PCDHGA2: variants seen among roughly 807,000 people sequenced by gnomAD.
PCDHGA2 encodes protocadherin gamma subfamily A, 2, also known as protocadherin gamma-A2.
PCDHGA2 carries 40 observed loss-of-function variants against 59.2 expected under a neutral mutation model. The ratio of observed to expected loss-of-function variants is 0.68; its 90% confidence interval spans 0.52 to 0.88. The LOEUF (loss-of-function observed/expected upper bound fraction) is 0.88, where lower values mean the gene tolerates loss of function less well. Ranked by LOEUF, PCDHGA2 falls within the 40% of genes least tolerant of loss-of-function variation. The probability of loss-of-function intolerance (pLI) is 0.00; values close to 1 mark genes in which losing one functional copy is unlikely to be tolerated. For synonymous variants in PCDHGA2, 560 were observed against 526.0 expected (o/e 1.06, Z -0.89); for missense variants, 1,226 against 1,204.0 (o/e 1.02, Z -0.27).
At chr5:141,450,587 A>G (rs1396203849) in intron 1 of PCDHGA2, among the ~76,000 whole-genome samples, 1 of 151,720 alleles carries the variant, frequency 6.6e-6, no homozygotes, top group East Asian at 1.9e-4. Flanking sequence ...CCCAGGTTCA[A>G]GCAATTCTCC....
intron 1 of PCDHGA2, among the ~76,000 whole-genome samples, chr5:141,472,980 C>CAAAAAAAAAAAAAA (rs60579131): frequency 5.8e-5 from 5 of 86,102 alleles, no homozygotes; most frequent in Admixed American, 1.2e-4. Context: ...GAGTGAAACT[C>CAAAAAAAAAAAAAA]AAAAAAAAAA....
intron 1 of PCDHGA2, chr5:141,400,138 A>T: frequency 6.2e-7 from 1 of 1,614,046 alleles, no homozygotes; most frequent in Non-Finnish European, 8.5e-7. Flanking sequence ...GCTGCCGGAT[A>T]TCACTGACCG....
chr5:141,499,572 T>C (rs2099792782), intron 2 of PCDHGA2, among the ~76,000 whole-genome samples: 1 of 152,178 alleles, frequency 6.6e-6, no homozygotes, highest in Admixed American at 6.5e-5. Flanking sequence ...CAGCTTCAAC[T>C]AATGCCTTAT....
In PCDHGA2 at chr5:141,365,449, T is replaced by C. The variant is rs546328235; in HGVS notation, c.2424+24054T>C. The C allele has an allele frequency of 6.1e-5, 99 of 1,614,052 alleles. 1 individual carries two copies. The East Asian group carries it at 2.2e-3, about 35-fold the overall frequency. On this transcript the variant is annotated intron_variant, in intron 1 of 3. Transcript: ENST00000394576. Reference sequence around the variant, plus strand: ...TAATCGCGCTGTTTAGCGTACATGATGGTGATTCTGGAGAAAATGGTGAGA... The same window carrying C: ...TAATCGCGCTGTTTAGCGTACATGACGGTGATTCTGGAGAAAATGGTGAGA...
rs962794399 is a variant in PCDHGA2, at chr5:141,449,958, AT to A, written c.2425-44841del. Among the ~76,000 whole-genome samples, 332 of 148,828 alleles carry A rather than the reference AT, an allele frequency of 2.2e-3. 1 individual carries two copies. The highest frequency in any genetic ancestry group is 6.8e-3 in the Admixed American group (101 of 14,904). Reference sequence around the variant, plus strand: ...GTATATTTTACTATACCTCATAGTAATTTTTTTTAGTCCAAAATATCACACA... The same window carrying A: ...GTATATTTTACTATACCTCATAGTAATTTTTTTAGTCCAAAATATCACACA... On this transcript the variant is annotated intron_variant, in intron 1 of 3. Coordinates refer to ENST00000394576, the MANE Select transcript of PCDHGA2 (RefSeq NM_018915.4).
chr5:141,404,240 C>T, intron 1 of PCDHGA2: 1 of 1,613,660 alleles, frequency 6.2e-7, no homozygotes, highest in East Asian at 2.2e-5. Context: ...CAGAGGAACT[C>T]CGCCCCTGTC....
chr5:141,399,078 G>C (rs2093750242), intron 1 of PCDHGA2: 1 of 1,613,746 alleles, frequency 6.2e-7, no homozygotes, highest in African/African-American at 1.3e-5. Context: ...TTGTAGAAGG[G>C]AGGGATGGTG....
At chr5:141,384,407 C>G (rs1198473919) in intron 1 of PCDHGA2, 1 of 1,613,956 alleles carries the variant, frequency 6.2e-7, no homozygotes, top group South Asian at 1.1e-5. Context: ...CCAGTGTCCT[C>G]CTATGTCTCC....
At chr5:141,375,194 G>A (rs763161370) in intron 1 of PCDHGA2, 1 of 1,613,964 alleles carries the variant, frequency 6.2e-7, no homozygotes, top group South Asian at 1.1e-5. Flanking sequence ...CCTTTTTCAA[G>A]TGTTCGATCG....
Position 141,340,154 on chromosome 5 carries a change from G to C in PCDHGA2, c.1183G>C (p.Glu395Gln). The C allele has an allele frequency of 6.2e-7, 1 of 1,614,188 alleles. No individual in the cohort carries two copies. The highest frequency in any genetic ancestry group is 8.5e-7 in the Non-Finnish European group (1 of 1,180,038). ...SLPEDLPFKLEKSVDNYYRLV... is the reference protein window; with the variant it reads ...SLPEDLPFKLQKSVDNYYRLV... ...CCCCGAGGATCTTCCTTTTAAGTTA[G>C]AAAAGTCAGTAGACAATTACTACCG... Residue 395 changes from glutamate (E) to glutamine (Q), a missense_variant, in exon 1 of 4, where the codon GAA becomes CAA. Coordinates refer to ENST00000394576, the MANE Select transcript of PCDHGA2 (RefSeq NM_018915.4).
intron 1 of PCDHGA2, chr5:141,361,692 C>T (rs1321631953): frequency 3.7e-6 from 6 of 1,613,512 alleles, no homozygotes; most frequent in Non-Finnish European, 5.1e-6. Flanking sequence ...CGCAGCGCGC[C>T]TTCGATCATG....
rs780685929 is a variant in PCDHGA2 at position 141,389,589 on chromosome 5, G to A, written c.2424+48194G>A. 10 of 1,613,050 alleles carry A rather than the reference G, an allele frequency of 6.2e-6. No individual in the cohort carries two copies. In the Middle Eastern group the frequency reaches 5.0e-4, roughly 81 times the overall value. On this transcript the variant is annotated intron_variant, in intron 1 of 3. Coordinates refer to ENST00000394576, the MANE Select transcript of PCDHGA2 (RefSeq NM_018915.4). ...GCTGTACCCCGCGCTGGGTCCCGAC[G>A]GCTCTGCGCTCTTCGATATGGTGCC...
intron 1 of PCDHGA2, among the ~76,000 whole-genome samples, chr5:141,482,141 A>C (rs1302783884): frequency 6.6e-6 from 1 of 152,116 alleles, no homozygotes; most frequent in African/African-American, 2.4e-5. Flanking sequence ...GCTGGCATAA[A>C]AAGGTCAAGT....
chr5:141,357,170 C>A (rs1760495778), intron 1 of PCDHGA2: 1 of 1,613,716 alleles, frequency 6.2e-7, no homozygotes, highest in South Asian at 1.1e-5. Flanking sequence ...CTCTCGGCCA[C>A]CGTCACACTC....
chr5:141,378,002 A>G (rs111381371), intron 1 of PCDHGA2: 1 of 152,236 alleles, frequency 6.6e-6, no homozygotes, highest in Non-Finnish European at 1.5e-5. Flanking sequence ...AGCTTGGCTC[A>G]AATAAGCTCT....
In PCDHGA2 at chr5:141,464,280, A is replaced by C. The variant is rs934753450; in HGVS notation, c.2425-30527A>C. Among the ~76,000 whole-genome samples, 148 of 75,930 alleles carry C rather than the reference A, an allele frequency of 1.9e-3. 1 individual carries two copies. Among genetic ancestry groups the C allele is most frequent in the African/African-American group, 0.011 (146 of 12,968 alleles). 49.8% of individuals were successfully genotyped at this position (75,930 alleles called of 152,430 possible). Reference sequence around the variant, plus strand: ...ACTCCGTCTAAAAAAAAAAAAAAGCAAAAAAAAAAACTCCATTGTATGTGC... The same window carrying C: ...ACTCCGTCTAAAAAAAAAAAAAAGCCAAAAAAAAAACTCCATTGTATGTGC... On this transcript the variant is annotated intron_variant, in intron 1 of 3. Transcript: ENST00000394576.
rs766042374 is a variant in PCDHGA2 at position 141,418,520 on chromosome 5, C to A, written c.2425-76287C>A. ...GACCGCCTTAGATGGTGGGGACCCTCCCCGAAGCGGTACTGCTCAGATAAG... is the reference window on the plus strand; with the variant it reads ...GACCGCCTTAGATGGTGGGGACCCTACCCGAAGCGGTACTGCTCAGATAAG... On this transcript the variant is annotated intron_variant, in intron 1 of 3. Transcript: ENST00000394576. 6 of 1,613,818 alleles carry A rather than the reference C, an allele frequency of 3.7e-6. No individual in the cohort carries two copies. The highest frequency in any genetic ancestry group is 5.1e-6 in the Non-Finnish European group (6 of 1,179,890).
intron 1 of PCDHGA2, chr5:141,394,278 T>C: frequency 6.2e-7 from 1 of 1,613,924 alleles, no homozygotes; most frequent in Non-Finnish European, 8.5e-7. Context: ...CCAGGTCACT[T>C]ACTCTGTGAC....
At chr5:141,416,641 C>A (rs996381588) in intron 1 of PCDHGA2, 1 of 152,056 alleles carries the variant, frequency 6.6e-6, no homozygotes, top group Non-Finnish European at 1.5e-5. Context: ...AAACACCAAC[C>A]ACAGCTGTAA....
Sources: gnomAD v4.1 joint callset for allele counts (sites outside exome capture counted in the v4.1 genomes callset) on GRCh38, gnomAD v4.1.1 for gene constraint, MANE v1.5 for transcripts, NCBI Gene and HGNC (gene_info 2026-07-23, HGNC 2026-07-21) for gene names.